MRPS2: variants seen among roughly 807,000 people sequenced by gnomAD.
MRPS2 encodes mitochondrial ribosomal protein S2, also known as small ribosomal subunit protein uS2m.
MRPS2 carries 13 observed loss-of-function variants against 18.9 expected under a neutral mutation model. That is an observed-to-expected ratio of 0.69 (90% CI 0.45 to 1.09). The LOEUF (loss-of-function observed/expected upper bound fraction) is 1.09. MRPS2 is among the 50% of genes least tolerant of loss of function. The pLI, the probability that MRPS2 is intolerant of heterozygous loss-of-function variation, is 0.00. For synonymous variants in MRPS2, 186 were observed against 178.4 expected, an observed-to-expected ratio of 1.04 and a Z score of -0.34; for missense variants, 389 against 421.7, an observed-to-expected ratio of 0.92 and a Z score of 0.68.
Position 135,504,261 on chromosome 9 carries a change from C to T in MRPS2, c.*128C>T, listed in dbSNP as rs1035315359. On this transcript the variant is annotated 3_prime_UTR_variant, in exon 4 of 4. Coordinates refer to ENST00000241600, the MANE Select transcript of MRPS2 (RefSeq NM_016034.5). This position sits in a 1 kb window ranked among gnomAD's most constrained non-coding sequence, Gnocchi z 4.3. Reference sequence around the variant, plus strand: ...TCAGCTGATGTCACAGTGCAGACATCCACCGTTCCACCACAGAACCAGTGG... The same window carrying T: ...TCAGCTGATGTCACAGTGCAGACATTCACCGTTCCACCACAGAACCAGTGG... 1 of 865,916 alleles carries T rather than the reference C, an allele frequency of 1.2e-6. No homozygotes were observed. The highest frequency in any genetic ancestry group is 1.7e-5 in the African/African-American group (1 of 58,532). 53.6% of individuals were successfully genotyped at this position (865,916 alleles called of 1,614,324 possible). A position where few individuals can be genotyped will look rare whatever the true frequency, so the allele number is the denominator to read the frequency against.
At chr9:135,501,418 C>G (rs1228057540) in intron 2 of MRPS2, 1 of 1,171,712 alleles carries the variant, frequency 8.5e-7, no homozygotes, top group Admixed American at 4.0e-5. Context: ...CCCGAGCTCG[C>G]CCAGGCGGGC....
intron 2 of MRPS2, chr9:135,501,357 C>T (rs1831127620): frequency 1.4e-6 from 2 of 1,386,678 alleles, no homozygotes; most frequent in South Asian, 1.6e-5. Flanking sequence ...CAGTGGTTAG[C>T]ACAGGCTTCG....
At chr9:135,503,044 G>A (rs1047932555) in intron 3 of MRPS2, 2 of 955,286 alleles carry the variant, frequency 2.1e-6, no homozygotes, top group East Asian at 1.2e-4. Flanking sequence ...GCTTTTCTCA[G>A]CCCAGGCCAG....
chr9:135,503,662 C>A lies in MRPS2; in HGVS notation c.420C>A (p.Gly140=). 1 of 1,613,856 alleles carries A rather than the reference C, an allele frequency of 6.2e-7. No individual in the cohort carries two copies. The highest frequency in any genetic ancestry group is 1.1e-5 in the South Asian group (1 of 91,084). ...NFTAHMAYRK[G]IILFISRNRQ... ...CCGCCCACATGGCCTACCGCAAGGG[C>A]ATCATCTTGTTTATAAGCCGCAACC... The change falls in exon 4 of 4, where the codon GGC becomes GGA. Residue 140 remains glycine, a synonymous_variant. Transcript: ENST00000241600.
chr9:135,503,399 C>T (rs907067575), intron 3 of MRPS2, 143 bp from the exon 4 acceptor site: 33 of 1,390,284 alleles, frequency 2.4e-5, no homozygotes, highest in South Asian at 1.5e-4. Context: ...ACACGGGGAG[C>T]GTTGCAAATT....
At chr9:135,501,696 C>T in intron 2 of MRPS2, 148 bp from the exon 3 acceptor site, 1 of 1,468,424 alleles carries the variant, frequency 6.8e-7, no homozygotes, top group Non-Finnish European at 9.0e-7. Flanking sequence ...CCTGTGCTTC[C>T]AGGTCTTTCC....
chr9:135,502,101 A>T, intron 3 of MRPS2, 128 bp downstream of exon 3: 2 of 1,488,414 alleles, frequency 1.3e-6, no homozygotes, highest in Non-Finnish European at 1.8e-6. Context: ...CCTCCTCCAC[A>T]TGGGAATACA....
chr9:135,500,734 G>A lies in MRPS2; in HGVS notation c.24G>A (p.Leu8=). 2.0e-6 allele frequency: 3 copies of A among 1,486,650 alleles called. No homozygotes were observed. Among genetic ancestry groups the A allele is most frequent in the Non-Finnish European group, 2.7e-6 (3 of 1,123,638 alleles). The allele number at this position is 1,486,650 out of a possible 1,614,324, so 92.1% of individuals were successfully genotyped here. A position where few individuals can be genotyped will look rare whatever the true frequency, so the allele number is the denominator to read the frequency against. Residue 8 remains leucine, a synonymous_variant, in exon 1 of 4, where the codon CTG becomes CTA. Coordinates refer to ENST00000241600, the MANE Select transcript of MRPS2 (RefSeq NM_016034.5). MATSSAA[L]PRILGAGARA... is the part of the protein sequence containing the mutation. ...CCATGGCGACATCCTCGGCCGCGCTGCCCCGAATACTCGGCGCGGGTGAGC... is the reference window on the plus strand; with the variant it reads ...CCATGGCGACATCCTCGGCCGCGCTACCCCGAATACTCGGCGCGGGTGAGC...
chr9:135,499,978 G>T, upstream of MRPS2: 1 of 1,113,380 alleles, frequency 9.0e-7, no homozygotes, highest in East Asian at 2.9e-5. Context: ...CTGCGGGTGG[G>T]TCCGGAACCT....
At chr9:135,501,808 T>TGGGAGACGCAGC in intron 2 of MRPS2, 36 bp from the exon 3 acceptor site, 1 of 1,610,176 alleles carries the variant, frequency 6.2e-7, no homozygotes, top group Non-Finnish European at 8.5e-7. Context: ...CTGCCACCGG[T>TGGGAGACGCAGC]GGGAGACGCA....
intron 2 of MRPS2, 42 bp downstream of exon 2, chr9:135,501,165 A>C: frequency 6.5e-7 from 1 of 1,542,034 alleles, no homozygotes; most frequent in Non-Finnish European, 8.7e-7. Context: ...GAACGAGGAG[A>C]GGCCGGCAGC....
At chr9:135,502,213 G>C in intron 3 of MRPS2, 8 of 1,335,770 alleles carry the variant, frequency 6.0e-6, no homozygotes, top group Non-Finnish European at 6.8e-6. Flanking sequence ...CCTGCTGGGG[G>C]TTGCAGGACT....
intron 3 of MRPS2, 108 bp from the exon 4 acceptor site, chr9:135,503,434 C>T (rs768294690): frequency 1.4e-5 from 20 of 1,400,604 alleles, no homozygotes; most frequent in Non-Finnish European, 1.9e-5. Context: ...ATAGTGCCCC[C>T]ACAGAGGAGC....
chr9:135,501,650 G>A, intron 2 of MRPS2, 194 bp from the exon 3 acceptor site: 1 of 1,405,846 alleles, frequency 7.1e-7, no homozygotes, highest in Non-Finnish European at 9.2e-7. Context: ...GTCGGGATCA[G>A]AACCTGGCTC....
chr9:135,502,214 T>C, intron 3 of MRPS2: 1 of 1,330,150 alleles, frequency 7.5e-7, no homozygotes, highest in Non-Finnish European at 9.7e-7. Context: ...CTGCTGGGGG[T>C]TGCAGGACTC....
upstream of MRPS2, chr9:135,500,667 G>T: frequency 7.1e-7 from 1 of 1,417,408 alleles, no homozygotes; most frequent in Admixed American, 3.2e-5. Flanking sequence ...GAGGCCGCTC[G>T]GCCTGGCCTG....
Position 135,504,119 on chromosome 9 carries a change from A to G in MRPS2, c.877A>G (p.Ser293Gly). 6.2e-7 allele frequency: 1 copy of G among 1,604,602 alleles called. No individual in the cohort carries two copies. Among genetic ancestry groups the G allele is most frequent in the Non-Finnish European group, 8.5e-7 (1 of 1,177,394 alleles). ...GPAHPPGADM[S>G]HSL ...AGCCCACCCTCCTGGGGCTGACATG[A>G]GCCATTCCCTGTGATGTTCACTCTC... The change falls in exon 4 of 4, where the codon AGC becomes GGC. Residue 293 changes from serine (S) to glycine (G), a missense_variant. Transcript: ENST00000241600. The surrounding 1 kb of genome is among the most constrained non-coding windows in gnomAD (Gnocchi z 4.3).
rs879205063 is a variant in MRPS2, at chr9:135,500,843, G to A, written c.43+90G>A. ...CCCGATGGAGCGGCGGGGACGTGGA[G>A]GGGACCCGGGGCGAGCGCGGAGGGG... On this transcript the variant is annotated intron_variant, in intron 1 of 3. Transcript: ENST00000241600. 1.3e-5 allele frequency: 19 copies of A among 1,493,022 alleles called. No homozygotes were observed. The South Asian group carries it at 1.6e-4, about 12-fold the overall frequency. The allele number at this position is 1,493,022 out of a possible 1,614,324, so 92.5% of individuals were successfully genotyped here.
chr9:135,502,582 G>A (rs1831173506), intron 3 of MRPS2: 2 of 155,564 alleles, frequency 1.3e-5, no homozygotes, highest in South Asian at 3.9e-4. Context: ...ACTGGTTACT[G>A]AGATGGTGAA....
Sources: allele counts gnomAD v4.1 joint callset, GRCh38; gene constraint gnomAD v4.1.1; non-coding constraint Gnocchi (gnomAD v3.1); transcripts MANE v1.5; gene names NCBI Gene and HGNC (gene_info 2026-07-23, HGNC 2026-07-21).